Variants in CDK14 observed in about 807,000 individuals in gnomAD.
CDK14 encodes cyclin dependent kinase 14, also known as cyclin-dependent kinase 14.
Under a neutral mutation model 60.7 loss-of-function variants are expected in CDK14, and 34 were observed. That is an observed-to-expected ratio of 0.56 (90% CI 0.43 to 0.75). The LOEUF (loss-of-function observed/expected upper bound fraction) is 0.75. Ranked by LOEUF, CDK14 falls within the 30% of genes least tolerant of loss-of-function variation. The pLI, the probability that CDK14 is intolerant of heterozygous loss-of-function variation, is 0.00. For synonymous variants in CDK14, 197 were observed against 203.7 expected (o/e 0.97, Z 0.28); for missense variants, 482 against 564.1 (o/e 0.85, Z 1.47).
chr7:90,928,175 C>T (rs766606639), intron 8 of CDK14, among the ~76,000 whole-genome samples: 2 of 152,154 alleles, frequency 1.3e-5, no homozygotes, highest in East Asian at 1.9e-4. Flanking sequence ...TCCTTTAGCT[C>T]GGAGAAGTTT....
At chr7:91,173,246 G>C (rs1296855447) in intron 14 of CDK14, among the ~76,000 whole-genome samples, 3 of 152,126 alleles carry the variant, frequency 2.0e-5, no homozygotes, top group Non-Finnish European at 4.4e-5. Context: ...CATCAACTAA[G>C]TTGGGGAGAA....
intron 2 of CDK14, among the ~76,000 whole-genome samples, chr7:90,696,996 A>G (rs1323147029): frequency 6.6e-6 from 1 of 152,178 alleles, no homozygotes; most frequent in Admixed American, 6.5e-5. Flanking sequence ...GCCCACTGGT[A>G]TTGCCATTGA....
At chr7:91,145,787 A>T (rs1800608936) in intron 14 of CDK14, among the ~76,000 whole-genome samples, 1 of 151,968 alleles carries the variant, frequency 6.6e-6, no homozygotes, top group South Asian at 2.1e-4. Context: ...AATTTCCCAA[A>T]CTCCTTAAGT....
At chr7:90,646,997 C>T (rs1376878289) in intron 2 of CDK14, among the ~76,000 whole-genome samples, 1 of 151,564 alleles carries the variant, frequency 6.6e-6, no homozygotes, top group Admixed American at 6.6e-5. Context: ...CCACCTTTAC[C>T]CTTGTTGCAT....
chr7:90,662,847 G>A (rs1210362608), intron 2 of CDK14, among the ~76,000 whole-genome samples: 1 of 152,088 alleles, frequency 6.6e-6, no homozygotes, highest in Non-Finnish European at 1.5e-5. Flanking sequence ...CAGAGACTTT[G>A]GTACCAGATA....
At chr7:91,063,009 T>C (rs1171689132) in intron 11 of CDK14, among the ~76,000 whole-genome samples, 1 of 152,202 alleles carries the variant, frequency 6.6e-6, no homozygotes, top group Non-Finnish European at 1.5e-5. Context: ...ACATTTCAAA[T>C]CTGTGTTTGT....
At chr7:91,018,650 C>G (rs1452295944) in intron 10 of CDK14, among the ~76,000 whole-genome samples, 1 of 152,082 alleles carries the variant, frequency 6.6e-6, no homozygotes, top group Non-Finnish European at 1.5e-5. Context: ...GGATTTCCCC[C>G]TTGATGTTTG....
intron 8 of CDK14, among the ~76,000 whole-genome samples, chr7:90,924,283 T>C (rs1793346029): frequency 6.6e-6 from 1 of 152,208 alleles, no homozygotes; most frequent in African/African-American, 2.4e-5. Flanking sequence ...ATTAATACAT[T>C]AACCCATGAA....
intron 5 of CDK14, among the ~76,000 whole-genome samples, chr7:90,811,069 C>A (rs965312046): frequency 1.3e-5 from 2 of 152,204 alleles, no homozygotes; most frequent in African/African-American, 2.4e-5. Context: ...TCAGTGCCAT[C>A]CCCATCAAGC....
intron 2 of CDK14, among the ~76,000 whole-genome samples, chr7:90,664,096 GA>G (rs1229687828): frequency 1.3e-5 from 2 of 151,576 alleles, no homozygotes; most frequent in Non-Finnish European, 2.9e-5. Flanking sequence ...AAATTTACAG[GA>G]AAAAAACAAC....
At chr7:90,793,602 T>C (rs1385715645) in intron 5 of CDK14, among the ~76,000 whole-genome samples, 3 of 152,164 alleles carry the variant, frequency 2.0e-5, no homozygotes, top group East Asian at 1.9e-4. Flanking sequence ...GAGTTCTCAA[T>C]TGATAGAGTG....
chr7:90,615,791 G>GCT (rs1025130561), intron 2 of CDK14, among the ~76,000 whole-genome samples: 2 of 152,150 alleles, frequency 1.3e-5, no homozygotes, highest in Admixed American at 6.5e-5. Flanking sequence ...GCAGTGATGG[G>GCT]CTGTGGTAGA....
chr7:90,636,575 G>A (rs1458689358), intron 2 of CDK14, among the ~76,000 whole-genome samples: 2 of 151,786 alleles, frequency 1.3e-5, no homozygotes, highest in African/African-American at 2.4e-5. Context: ...TGTTCATCAA[G>A]GATATTGGTC....
chr7:91,181,752 C>G (rs1006277775), intron 14 of CDK14, among the ~76,000 whole-genome samples: 1 of 152,120 alleles, frequency 6.6e-6, no homozygotes, highest in African/African-American at 2.4e-5. Flanking sequence ...ATGGGAGACT[C>G]TTCAAGTTTT....
chr7:90,975,837 A>G (rs532793039), intron 9 of CDK14, among the ~76,000 whole-genome samples: 8 of 152,188 alleles, frequency 5.3e-5, no homozygotes, highest in African/African-American at 1.9e-4. Flanking sequence ...AATGCCCTCC[A>G]TTTCCATCTA....
chr7:90,671,346 A>G (rs947476997), intron 2 of CDK14, among the ~76,000 whole-genome samples: 1 of 151,930 alleles, frequency 6.6e-6, no homozygotes, highest in Non-Finnish European at 1.5e-5. Flanking sequence ...CCCTTCTGCA[A>G]CCTTGATAAG....
chr7:90,652,948 C>T (rs1800675094), intron 2 of CDK14, among the ~76,000 whole-genome samples: 1 of 152,116 alleles, frequency 6.6e-6, no homozygotes, highest in South Asian at 2.1e-4. Context: ...TGCTAGATAT[C>T]TTGTATTTGC....
chr7:91,079,493 A>G lies in CDK14; in HGVS notation c.1154+13A>G. On this transcript the variant is annotated intron_variant, in intron 12 of 14. Coordinates refer to ENST00000380050, the MANE Select transcript of CDK14 (RefSeq NM_001287135.2). Reference sequence around the variant, plus strand: ...AAGCATGGAATAAGTAAGTCTTTATACAGATTGTGCTCATTCTCTTTCTTT... The same window carrying G: ...AAGCATGGAATAAGTAAGTCTTTATGCAGATTGTGCTCATTCTCTTTCTTT... The G allele has an allele frequency of 6.4e-7, 1 of 1,567,128 alleles. No individual in the cohort carries two copies.
chr7:91,018,890 T>G (rs1252736904), intron 10 of CDK14, among the ~76,000 whole-genome samples: 1 of 152,228 alleles, frequency 6.6e-6, no homozygotes, highest in Non-Finnish European at 1.5e-5. Context: ...CAGGTATTTC[T>G]TTATAGCAGT....
Sources: allele counts gnomAD v4.1 joint callset (sites outside exome capture counted in the v4.1 genomes callset), GRCh38; gene constraint gnomAD v4.1.1; transcripts MANE v1.5; gene names NCBI Gene and HGNC (gene_info 2026-07-23, HGNC 2026-07-21).